Variants in SLC41A3 observed in about 807,000 individuals in gnomAD.
SLC41A3 encodes SLC41A1-like 2.
In SLC41A3, 44 loss-of-function variants were observed where a neutral mutation model predicts 45.4. The ratio of observed to expected loss-of-function variants is 0.97; its 90% CI spans 0.76 to 1.25. SLC41A3 has a LOEUF of 1.25. Among genes scored for constraint, SLC41A3 ranks in the 50% most tolerant of loss-of-function variants. The pLI is 0.00. For missense variants in SLC41A3, 550 were observed against 600.6 expected (o/e 0.92, Z 0.88); for synonymous variants, 256 against 252.4 (o/e 1.01, Z -0.13).
chr3:126,075,439 C>CTTTT (rs35369542), intron 1 of SLC41A3, among the ~76,000 whole-genome samples: 1 of 147,264 alleles, frequency 6.8e-6, no homozygotes. Flanking sequence ...TTCCAGTGGT[C>CTTTT]TTTTTTTTTT....
chr3:126,100,408 A>G (rs1211764812), intron 1 of SLC41A3, among the ~76,000 whole-genome samples: 1 of 152,132 alleles, frequency 6.6e-6, no homozygotes, highest in Non-Finnish European at 1.5e-5. Context: ...TCCTCACCCT[A>G]TCCCAGTTGG....
chr3:126,050,924 T>C lies in SLC41A3; in HGVS notation c.381+19A>G, dbSNP rs1261834777. Reference sequence around the variant, plus strand: ...TGCCTCACGTTGTGGCCGCCTCGAATGTCCAGGTGTCCACTTACAGCTGTG... The same window carrying C: ...TGCCTCACGTTGTGGCCGCCTCGAACGTCCAGGTGTCCACTTACAGCTGTG... On this transcript the variant is annotated intron_variant, in intron 3 of 10. Transcript: ENST00000360370. 3 of 1,604,952 alleles carry C rather than the reference T, an allele frequency of 1.9e-6. No individual in the cohort carries two copies. Among genetic ancestry groups the C allele is most frequent in the Non-Finnish European group, 2.6e-6 (3 of 1,175,204 alleles).
At chr3:126,074,057 C>G (rs2108053307) in intron 1 of SLC41A3, among the ~76,000 whole-genome samples, 1 of 152,044 alleles carries the variant, frequency 6.6e-6, no homozygotes, top group South Asian at 2.1e-4. Context: ...TGTAATACAC[C>G]AAATTAATAG....
rs1366832854 is a variant in SLC41A3, at chr3:126,016,873, T to C, written c.748A>G (p.Ser250Gly). The change falls in exon 7 of 11, where the codon AGT becomes GGT. Residue 250 changes from serine (S) to glycine (G), a missense_variant and splice_region_variant. By Grantham distance (56) the Ser-to-Gly change is moderately conservative (BLOSUM62 0). Transcript: ENST00000360370. ...VSSFFYRHKD[S>G]RYLTPLVCLS... ...CAGACCAGCGGCGTCAGATACCGACTATCTGAAAGGAGAACAGGGACACAC... is the reference window on the plus strand; with the variant it reads ...CAGACCAGCGGCGTCAGATACCGACCATCTGAAAGGAGAACAGGGACACAC... The C allele has an allele frequency of 6.2e-7, 1 of 1,611,626 alleles. No individual in the cohort carries two copies. Among genetic ancestry groups the C allele is most frequent in the Admixed American group, 1.7e-5 (1 of 59,892 alleles).
chr3:126,062,734 C>G (rs1029333168), intron 2 of SLC41A3, among the ~76,000 whole-genome samples: 1 of 152,212 alleles, frequency 6.6e-6, no homozygotes, highest in African/African-American at 2.4e-5. Context: ...ATACAAGTCT[C>G]CAATATCTTT....
chr3:126,008,949 A>C lies in SLC41A3; in HGVS notation c.1106-69T>G. On this transcript the variant is annotated intron_variant, in intron 9 of 10. Coordinates refer to ENST00000360370, the MANE Select transcript of SLC41A3 (RefSeq NM_017836.4). ...GCCACTTTGGCATGTGACAGTCCTCAGTGAGGCATCCACACTCACTCATCC... is the reference window on the plus strand; with the variant it reads ...GCCACTTTGGCATGTGACAGTCCTCCGTGAGGCATCCACACTCACTCATCC... 6.3e-6 allele frequency: 10 copies of C among 1,584,848 alleles called. 1 individual carries two copies. The South Asian group carries it at 1.0e-4, about 16-fold the overall frequency.
At chr3:126,031,257 C>T (rs900265797) in intron 4 of SLC41A3, among the ~76,000 whole-genome samples, 1 of 152,132 alleles carries the variant, frequency 6.6e-6, no homozygotes, top group South Asian at 2.1e-4. Context: ...TTATTTAATA[C>T]TAAGAAATAA....
intron 2 of SLC41A3, among the ~76,000 whole-genome samples, chr3:126,061,815 C>G (rs1411668558): frequency 1.3e-5 from 2 of 152,108 alleles, no homozygotes; most frequent in African/African-American, 4.8e-5. Flanking sequence ...AGTTGGGATG[C>G]AACTGCAAAT....
intron 3 of SLC41A3, among the ~76,000 whole-genome samples, chr3:126,040,089 CG>C (rs904925113): frequency 2.0e-5 from 3 of 152,112 alleles, no homozygotes; most frequent in African/African-American, 7.2e-5. Context: ...TGCCCAAGAG[CG>C]GGTGGGGCAT....
rs1262422667 is a variant in SLC41A3 at position 126,059,677 on chromosome 3, G to T, written c.273+8270C>A. Among the ~76,000 whole-genome samples the T allele has an allele frequency of 2.6e-5, 4 of 152,186 alleles. No homozygotes were observed. The South Asian group carries it at 6.2e-4, about 24-fold the overall frequency. ...AACCCCATCACTGCCCGTCATCCAT[G>T]GTTAGGATCAGTTTGTTCAAACAGG... On this transcript the variant is annotated intron_variant, in intron 2 of 10. Coordinates refer to ENST00000360370, the MANE Select transcript of SLC41A3 (RefSeq NM_017836.4).
intron 1 of SLC41A3, among the ~76,000 whole-genome samples, chr3:126,091,235 C>T (rs943859657): frequency 6.6e-6 from 1 of 152,194 alleles, no homozygotes; most frequent in Non-Finnish European, 1.5e-5. Context: ...AGACAGGTCT[C>T]AATCAGTTAG....
intron 2 of SLC41A3, chr3:126,056,229 C>T (rs563965032): frequency 3.3e-6 from 4 of 1,203,674 alleles, no homozygotes; most frequent in Admixed American, 2.4e-5. Context: ...GCCCAAGCAG[C>T]AAGGGCAGGT....
chr3:126,006,489 G>T lies in SLC41A3; in HGVS notation c.*527C>A. 6.2e-7 allele frequency: 1 copy of T among 1,614,066 alleles called. No homozygotes were observed. The highest frequency in any genetic ancestry group is 8.5e-7 in the Non-Finnish European group (1 of 1,180,018). On this transcript the variant is annotated 3_prime_UTR_variant, in exon 11 of 11. Coordinates refer to ENST00000360370, the MANE Select transcript of SLC41A3 (RefSeq NM_017836.4). The stretch of plus-strand genomic sequence containing the variant: ...GATTAAATGTTGAGTGCAGATGAAG[G>T]GTTGTATGAGGCCCCATCCTGGGGA...
intron 6 of SLC41A3, among the ~76,000 whole-genome samples, chr3:126,020,707 C>T (rs766866465): frequency 1.3e-5 from 2 of 152,096 alleles, no homozygotes; most frequent in African/African-American, 4.8e-5. Context: ...ACTTTAAGTC[C>T]GGTAAGAAGC....
chr3:126,099,004 T>G (rs1208689607), intron 1 of SLC41A3, among the ~76,000 whole-genome samples: 1 of 146,978 alleles, frequency 6.8e-6, no homozygotes, highest in Admixed American at 6.9e-5. Context: ...GAGCTCAAAG[T>G]GATCCACCCG....
chr3:126,048,283 G>T (rs2107864485), intron 3 of SLC41A3, among the ~76,000 whole-genome samples: 1 of 152,116 alleles, frequency 6.6e-6, no homozygotes, highest in Non-Finnish European at 1.5e-5. Context: ...ATTTGTATAG[G>T]TTTTGCCCAT....
At chr3:126,015,978 T>C (rs1429811485) in intron 7 of SLC41A3, among the ~76,000 whole-genome samples, 1 of 152,210 alleles carries the variant, frequency 6.6e-6, no homozygotes, top group Non-Finnish European at 1.5e-5. Flanking sequence ...AGCCAGACCT[T>C]GCTCCCACTG....
intron 1 of SLC41A3, among the ~76,000 whole-genome samples, chr3:126,081,420 G>T (rs1945147173): frequency 6.6e-6 from 1 of 152,170 alleles, no homozygotes; most frequent in Non-Finnish European, 1.5e-5. Flanking sequence ...GAAGAAATAA[G>T]AAATCGTGTT....
chr3:126,027,447 A>G (rs1342073691), intron 4 of SLC41A3, among the ~76,000 whole-genome samples: 1 of 152,166 alleles, frequency 6.6e-6, no homozygotes, highest in Non-Finnish European at 1.5e-5. Flanking sequence ...AGCAGATGCC[A>G]GCATCATGCT....
Sources: allele counts gnomAD v4.1 joint callset (sites outside exome capture counted in the v4.1 genomes callset), GRCh38; gene constraint gnomAD v4.1.1; transcripts MANE v1.5; gene names NCBI Gene and HGNC (gene_info 2026-07-23, HGNC 2026-07-21).